Variants in PFKFB3 observed in about 807,000 individuals in gnomAD.
The protein encoded by PFKFB3 is 6-phosphofructo-2-kinase/fructose-2,6-biphosphatase 3.
Under a neutral mutation model 68.0 loss-of-function variants are expected in PFKFB3, and 33 were observed. The ratio of observed to expected loss-of-function variants is 0.49; its 90% CI spans 0.37 to 0.65. The LOEUF is 0.65. Ranked by LOEUF, PFKFB3 falls within the 30% of genes least tolerant of loss-of-function variation. The pLI, the probability that PFKFB3 is intolerant of heterozygous loss-of-function variation, is 0.00. For missense variants in PFKFB3, 586 were observed against 712.2 expected (o/e 0.82, Z 2.02); for synonymous variants, 315 against 288.2 (o/e 1.09, Z -0.94).
chr10:6,212,940 C>T (rs546170822), intron 1 of PFKFB3, among the ~76,000 whole-genome samples: 1 of 152,292 alleles, frequency 6.6e-6, no homozygotes, highest in African/African-American at 2.4e-5. Flanking sequence ...CCCTCTGTCC[C>T]CATGTTGTAT....
At chr10:6,312,360 A>G in the PFKFB3 span, among the ~76,000 whole-genome samples, 1 of 152,134 alleles carries the variant, frequency 6.6e-6, no homozygotes, top group Non-Finnish European at 1.5e-5. Context: ...ACCTGTCCTC[A>G]TCTCTCACCA....
At chr10:6,321,336 T>C in the PFKFB3 span, among the ~76,000 whole-genome samples, 4 of 152,142 alleles carry the variant, frequency 2.6e-5, no homozygotes, top group Non-Finnish European at 4.4e-5. Flanking sequence ...CATTCTCTGT[T>C]GTTTTTTTAA....
chr10:6,246,938 C>T (rs1229165757), intron 14 of PFKFB3, among the ~76,000 whole-genome samples: 1 of 152,224 alleles, frequency 6.6e-6, no homozygotes, highest in African/African-American at 2.4e-5. Flanking sequence ...GATGCAACAG[C>T]TTGCATCCCT....
chr10:6,311,421 G>A, the PFKFB3 span, among the ~76,000 whole-genome samples: 3 of 151,970 alleles, frequency 2.0e-5, no homozygotes, highest in Non-Finnish European at 4.4e-5. Context: ...GGTTCCCTAC[G>A]GAAGACCTAC....
intron 14 of PFKFB3, among the ~76,000 whole-genome samples, chr10:6,242,605 T>C (rs76149941): frequency 1.4e-5 from 2 of 147,478 alleles, no homozygotes; most frequent in East Asian, 3.9e-4. Flanking sequence ...TTTTTTTTTT[T>C]GAGACGGAGT....
At chr10:6,299,433 C>T in the PFKFB3 span, among the ~76,000 whole-genome samples, 40 of 152,126 alleles carry the variant, frequency 2.6e-4, no homozygotes, top group Admixed American at 2.6e-3. Flanking sequence ...TGGGTCCCTG[C>T]GTTGTCCTAA....
At chr10:6,274,041 C>T in the PFKFB3 span, among the ~76,000 whole-genome samples, 21 of 151,926 alleles carry the variant, frequency 1.4e-4, 2 homozygotes, top group South Asian at 8.3e-4. Flanking sequence ...CCTGTCTCTA[C>T]AAAAAATAAA....
In PFKFB3 at chr10:6,229,304, T is replaced by C. The variant is rs578259498; in HGVS notation, c.1515+2939T>C. Reference sequence around the variant, plus strand: ...GTCGGCAGGGCAGTCAGTCCCCCGTTTAATGGTTGAGGGGCTGAGTGACCG... The same window carrying C: ...GTCGGCAGGGCAGTCAGTCCCCCGTCTAATGGTTGAGGGGCTGAGTGACCG... On this transcript the variant is annotated intron_variant, in intron 14 of 14. Coordinates refer to ENST00000379775, the MANE Select transcript of PFKFB3 (RefSeq NM_004566.4). This position sits in a 1 kb window ranked among gnomAD's most constrained non-coding sequence, Gnocchi z 4.3. 1.5e-5 allele frequency: 6 copies of C among 399,628 alleles called. No individual in the cohort carries two copies. The highest frequency in any genetic ancestry group is 3.1e-5 in the Non-Finnish European group (6 of 191,342). The allele number at this position is 399,628 out of a possible 1,614,324, so 24.8% of individuals were successfully genotyped here.
At chr10:6,238,040 C>T (rs919268504), downstream of PFKFB3, among the ~76,000 whole-genome samples, 9 of 151,898 alleles carry the variant, frequency 5.9e-5, no homozygotes, top group Non-Finnish European at 7.4e-5. Context: ...CTCCTAAGAC[C>T]AGGTGAAAAG....
At chr10:6,256,335 G>C (rs1564238885), downstream of PFKFB3, among the ~76,000 whole-genome samples, 2 of 152,148 alleles carry the variant, frequency 1.3e-5, no homozygotes, top group Admixed American at 1.3e-4. Flanking sequence ...AAGGACTTGG[G>C]GGGTGTAGGT....
At chr10:6,326,441 TTAAAA>T in the PFKFB3 span, 6 of 423,968 alleles carry the variant, frequency 1.4e-5, no homozygotes, top group Middle Eastern at 3.9e-4. Context: ...ACCCCAGAAC[TTAAAA>T]TAAAAATAGA....
At chr10:6,262,119 A>G in the PFKFB3 span, among the ~76,000 whole-genome samples, 1 of 152,076 alleles carries the variant, frequency 6.6e-6, no homozygotes, top group Admixed American at 6.5e-5. Flanking sequence ...TACCTACCTA[A>G]CAAACCTTCA....
chr10:6,312,502 C>T, the PFKFB3 span, among the ~76,000 whole-genome samples: 1 of 151,978 alleles, frequency 6.6e-6, no homozygotes, highest in Non-Finnish European at 1.5e-5. Context: ...GGGACACTGC[C>T]CATAGAGAAA....
rs957056196 is a variant in PFKFB3 at position 6,154,574 on chromosome 10, C to T, written c.16+9561C>T. Among the ~76,000 whole-genome samples, 3 of 152,112 alleles carry T rather than the reference C, an allele frequency of 2.0e-5. No individual in the cohort carries two copies. The highest frequency in any genetic ancestry group is 6.6e-5 in the Admixed American group (1 of 15,248). On this transcript the variant is annotated intron_variant, in intron 1 of 14. Coordinates refer to the PFKFB3 transcript ENST00000379789. The surrounding 1 kb of genome is among the most constrained non-coding windows in gnomAD (Gnocchi z 4.6). Reference sequence around the variant, plus strand: ...GCTGAATTAACGTGACACCATAAAACGTCTCCGCCACGGGTGGCTACTATC... The same window carrying T: ...GCTGAATTAACGTGACACCATAAAATGTCTCCGCCACGGGTGGCTACTATC...
intron 1 of PFKFB3, among the ~76,000 whole-genome samples, chr10:6,174,525 G>A (rs538899037): frequency 2.2e-4 from 34 of 152,294 alleles, no homozygotes; most frequent in South Asian, 1.7e-3. Context: ...AGCTGCCTGC[G>A]GCCCCCGCCG....
At chr10:6,237,103 C>T (rs1191866794), downstream of PFKFB3, among the ~76,000 whole-genome samples, 1 of 152,254 alleles carries the variant, frequency 6.6e-6, no homozygotes, top group Non-Finnish European at 1.5e-5. Context: ...GCTCCCTCCC[C>T]TGGGAGGTCT....
chr10:6,147,489 G>A (rs1841430390), intron 1 of PFKFB3, among the ~76,000 whole-genome samples: 1 of 152,190 alleles, frequency 6.6e-6, no homozygotes, highest in Non-Finnish European at 1.5e-5. Flanking sequence ...CGGGTACCAG[G>A]CAAGTCGAGG....
At chr10:6,214,513 G>GT (rs1187394820) in intron 2 of PFKFB3, among the ~76,000 whole-genome samples, 1 of 151,800 alleles carries the variant, frequency 6.6e-6, no homozygotes, top group Admixed American at 6.6e-5. Flanking sequence ...TAGGCACTGG[G>GT]TATTTTTTTT....
intron 14 of PFKFB3, 107 bp downstream of exon 14, chr10:6,226,472 C>A: frequency 9.6e-7 from 1 of 1,046,372 alleles, no homozygotes. Flanking sequence ...TGCGTGGGTG[C>A]GTGTGGGTGC....
Sources: allele counts gnomAD v4.1 joint callset (sites outside exome capture counted in the v4.1 genomes callset), GRCh38; gene constraint gnomAD v4.1.1; non-coding constraint Gnocchi (gnomAD v3.1); transcripts MANE v1.5; gene names NCBI Gene and HGNC (gene_info 2026-07-23, HGNC 2026-07-21).